The following PRG3 variants were observed in gnomAD, a reference collection of about 807,000 sequenced individuals.
PRG3 encodes the protein proteoglycan 3, pro eosinophil major basic protein 2, also known as proteoglycan 3.
A neutral mutation model predicts 26.1 loss-of-function variants in PRG3; 25 were observed. That is an observed-to-expected ratio of 0.96 (90% CI 0.70 to 1.34). PRG3 has a LOEUF of 1.34. Among genes scored for constraint, PRG3 ranks in the 40% most tolerant of loss-of-function variants. PRG3 has a pLI of 0.00. For synonymous variants in PRG3, 111 were observed against 100.4 expected, an observed-to-expected ratio of 1.11 and a Z score of -0.63; for missense variants, 280 against 264.8, an observed-to-expected ratio of 1.06 and a Z score of -0.40.
At chr11:57,380,579 CG>C in intron 2 of PRG3, 68 bp downstream of exon 2, 1 of 1,374,528 alleles carries the variant, frequency 7.3e-7, no homozygotes, top group Non-Finnish European at 9.8e-7. Context: ...CAAATAAAAG[CG>C]GGGGGAGGGG....
chr11:57,377,686 A>T (rs1410059816), intron 5 of PRG3, 39 bp downstream of exon 5: 1 of 1,532,294 alleles, frequency 6.5e-7, no homozygotes. Flanking sequence ...AATCCACTTT[A>T]CTATCCCTTC....
chr11:57,378,041 C>T (rs751206343), intron 4 of PRG3, among the ~76,000 whole-genome samples: 8 of 152,160 alleles, frequency 5.3e-5, no homozygotes, highest in Non-Finnish European at 7.3e-5. Context: ...CTTTACTGTG[C>T]GTACGTTATC....
At chr11:57,377,501 C>A (rs1192476202) in intron 5 of PRG3, among the ~76,000 whole-genome samples, 1 of 152,120 alleles carries the variant, frequency 6.6e-6, no homozygotes, top group African/African-American at 2.4e-5. Context: ...AGAATTTTCC[C>A]ACACACACAC....
intron 1 of PRG3, 24 bp from the exon 2 acceptor site, chr11:57,380,805 A>G (rs2134465535): frequency 2.4e-6 from 2 of 828,592 alleles, no homozygotes; most frequent in Non-Finnish European, 1.8e-6. Context: ...TAGAGGGAAT[A>G]TTTGTTTAAT....
chr11:57,380,245 C>T (rs113229840), intron 2 of PRG3, among the ~76,000 whole-genome samples: 58 of 152,030 alleles, frequency 3.8e-4, no homozygotes, highest in African/African-American at 1.4e-3. Flanking sequence ...ACTAAAAATA[C>T]AAAGATTAGC....
At chr11:57,379,466 C>A (rs1180037954) in intron 3 of PRG3, 28 bp downstream of exon 3, 1 of 1,562,956 alleles carries the variant, frequency 6.4e-7, no homozygotes, top group Non-Finnish European at 8.7e-7. Context: ...TCCCCCAGGT[C>A]CTCCGCAGTA....
intron 2 of PRG3, among the ~76,000 whole-genome samples, 200 bp downstream of exon 2, chr11:57,380,447 CA>C (rs998087949): frequency 6.6e-6 from 1 of 150,476 alleles, no homozygotes; most frequent in African/African-American, 2.4e-5. Flanking sequence ...ACAACAACAA[CA>C]AAAAAAAATC....
At position 57,379,584 on chromosome 11, in the gene PRG3, T is replaced by C; in HGVS notation, c.285A>G (p.Glu95=). ...ALDKDFQCPR[E]EDIVEVQGSP... ...TTCCCTGCACTTCAACAATGTCTTCTTCCCTGGGGCACTGGAAGTCCTTGT... is the reference window on the plus strand; with the variant it reads ...TTCCCTGCACTTCAACAATGTCTTCCTCCCTGGGGCACTGGAAGTCCTTGT... Residue 95 remains glutamate (E), a synonymous_variant, in exon 3 of 6, where the codon GAA becomes GAG. Transcript: ENST00000287143. The C allele has an allele frequency of 6.2e-7, 1 of 1,613,902 alleles. No homozygotes were observed. Among genetic ancestry groups the C allele is most frequent in the Non-Finnish European group, 8.5e-7 (1 of 1,180,010 alleles).
In PRG3 at chr11:57,379,886, C is replaced by G; in HGVS notation, c.62-79G>C. ...CGTGGACAGCTCCAGCAACGTCGCT[C>G]GAGCTTTCCTAGGAATTCCACCTGA... is the stretch of plus-strand genomic sequence containing the variant. On this transcript the variant is annotated intron_variant, in intron 2 of 5. Coordinates refer to ENST00000287143, the MANE Select transcript of PRG3 (RefSeq NM_006093.4). The G allele has an allele frequency of 9.9e-6, 13 of 1,315,654 alleles. 1 individual carries two copies. In the South Asian group the frequency reaches 1.3e-4, roughly 13 times the overall value. 81.5% of individuals were successfully genotyped at this position (1,315,654 alleles called of 1,614,324 possible). A position where few individuals can be genotyped will look rare whatever the true frequency, so the allele number is the denominator to read the frequency against.
In PRG3 at chr11:57,380,734, T is replaced by G; in HGVS notation, c.-26A>C. The G allele has an allele frequency of 4.0e-6, 6 of 1,482,626 alleles. No homozygotes were observed. Among genetic ancestry groups the G allele is most frequent in the Non-Finnish European group, 5.4e-6 (6 of 1,107,276 alleles). 91.8% of individuals were successfully genotyped at this position (1,482,626 alleles called of 1,614,324 possible). A position where few individuals can be genotyped will look rare whatever the true frequency, so the allele number is the denominator to read the frequency against. On this transcript the variant is annotated 5_prime_UTR_variant, in exon 2 of 6. Transcript: ENST00000287143. Reference sequence around the variant, plus strand: ...ATCTACTGTCTTTTAGCGAGGACACTACTCCACCGTCCTTCTTGGGGCTGT... The same window carrying G: ...ATCTACTGTCTTTTAGCGAGGACACGACTCCACCGTCCTTCTTGGGGCTGT...
At chr11:57,379,465 T>C in intron 3 of PRG3, 29 bp downstream of exon 3, 2 of 1,559,312 alleles carry the variant, frequency 1.3e-6, no homozygotes, top group South Asian at 2.4e-5. Context: ...TTCCCCCAGG[T>C]CCTCCGCAGT....
chr11:57,378,721 T>G lies in PRG3; in HGVS notation c.467A>C (p.Asn156Thr). Residue 156 changes from asparagine to threonine, a missense_variant, in exon 4 of 6, where the codon AAC (asparagine) becomes ACC (threonine). Physicochemically the swap from Asn to Thr is moderately conservative, Grantham distance 65. Coordinates refer to ENST00000287143, the MANE Select transcript of PRG3 (RefSeq NM_006093.4). Reference protein sequence around the residue: ...YRIQCCTSTVNQAQVWIGGNL... With the variant: ...YRIQCCTSTVTQAQVWIGGNL... ...GCCTCCAATCCAGACCTGGGCTTGGTTGACTGTGCTAGTGCAGCACTGAAT... is the reference window on the plus strand; with the variant it reads ...GCCTCCAATCCAGACCTGGGCTTGGGTGACTGTGCTAGTGCAGCACTGAAT... 6.2e-7 allele frequency: 1 copy of G among 1,613,766 alleles called. No homozygotes were observed. Among genetic ancestry groups the G allele is most frequent in the Middle Eastern group, 1.7e-4 (1 of 6,060 alleles).
chr11:57,380,611 A>G, intron 2 of PRG3, 37 bp downstream of exon 2: 4 of 1,513,776 alleles, frequency 2.6e-6, no homozygotes, highest in Admixed American at 2.1e-5. Flanking sequence ...AAAGGAAAAA[A>G]GGGAAAGACG....
In PRG3 at chr11:57,380,792, G is replaced by C; in HGVS notation, c.-73-11C>G. 1 of 923,120 alleles carries C rather than the reference G, an allele frequency of 1.1e-6. No individual in the cohort carries two copies. The highest frequency in any genetic ancestry group is 1.6e-6 in the Non-Finnish European group (1 of 640,160). The allele number at this position is 923,120 out of a possible 1,614,324, so 57.2% of individuals were successfully genotyped here. A position where few individuals can be genotyped will look rare whatever the true frequency, so the allele number is the denominator to read the frequency against. ...TGTCTAGTATAGCCCCTGGCACATA[G>C]TATAGAGGGAATATTTGTTTAATTG... On this transcript the variant is annotated splice_polypyrimidine_tract_variant and intron_variant, in intron 1 of 5. Coordinates refer to ENST00000287143, the MANE Select transcript of PRG3 (RefSeq NM_006093.4).
rs116078737 is a variant in PRG3, at chr11:57,380,725, C to T, written c.-17G>A. ...GCATTGCATATCTACTGTCTTTTAG[C>T]GAGGACACTACTCCACCGTCCTTCT... On this transcript the variant is annotated 5_prime_UTR_variant, in exon 2 of 6. Coordinates refer to ENST00000287143, the MANE Select transcript of PRG3 (RefSeq NM_006093.4). 1.5e-3 allele frequency: 2,213 copies of T among 1,520,322 alleles called. 34 individuals are homozygous for T. In the African/African-American group the frequency reaches 0.027, roughly 19 times the overall value. 94.2% of individuals were successfully genotyped at this position (1,520,322 alleles called of 1,614,324 possible). A position where few individuals can be genotyped will look rare whatever the true frequency, so the allele number is the denominator to read the frequency against.
chr11:57,379,394 CG>C (rs1856975417), intron 3 of PRG3, 99 bp downstream of exon 3: 14 of 1,214,596 alleles, frequency 1.2e-5, no homozygotes, highest in Non-Finnish European at 1.4e-5. Flanking sequence ...CTGATGCATG[CG>C]AGGCTTTGAG....
At chr11:57,380,437 A>G (rs1177272095) in intron 2 of PRG3, among the ~76,000 whole-genome samples, 7 of 151,760 alleles carry the variant, frequency 4.6e-5, no homozygotes, top group African/African-American at 1.5e-4. Context: ...AAAAACAAAA[A>G]CAACAACAAC....
chr11:57,380,540 G>T, intron 2 of PRG3, 108 bp downstream of exon 2: 1 of 914,212 alleles, frequency 1.1e-6, no homozygotes, highest in Non-Finnish European at 1.6e-6. Context: ...AGCTAAAGAG[G>T]GAAGGCTGTG....
intron 3 of PRG3, 28 bp from the exon 4 acceptor site, chr11:57,378,840 C>A: frequency 1.9e-6 from 3 of 1,610,548 alleles, no homozygotes; most frequent in Non-Finnish European, 2.5e-6. Context: ...GTAGAGAATT[C>A]CCTCTCATTT....
Sources: gnomAD v4.1 joint callset for allele counts (sites outside exome capture counted in the v4.1 genomes callset) on GRCh38, gnomAD v4.1.1 for gene constraint, MANE v1.5 for transcripts, NCBI Gene and HGNC (gene_info 2026-07-23, HGNC 2026-07-21) for gene names.